The following RNF146 variants were observed in gnomAD, a reference collection of about 807,000 sequenced individuals.
The protein encoded by RNF146 is E3 ubiquitin-protein ligase RNF146.
In RNF146, 11 loss-of-function variants were observed where a neutral mutation model predicts 29.7. That is an observed-to-expected ratio of 0.37 (90% CI 0.23 to 0.61). The LOEUF is 0.61. Among genes scored for constraint, RNF146 ranks in the 20% least tolerant of loss-of-function variants. RNF146 has a pLI of 0.66. For missense variants in RNF146, 342 were observed against 438.9 expected, an observed-to-expected ratio of 0.78 and a Z score of 1.97; for synonymous variants, 150 against 159.7, an observed-to-expected ratio of 0.94 and a Z score of 0.46.
intron 2 of RNF146, chr6:127,285,280 A>C: frequency 1.0e-6 from 1 of 985,098 alleles, no homozygotes; most frequent in African/African-American, 1.7e-5. Context: ...AAGAAAAAAA[A>C]GGATTGTTTG....
intron 2 of RNF146, chr6:127,280,657 C>T (rs1778800869): frequency 2.7e-6 from 2 of 733,388 alleles, no homozygotes; most frequent in Non-Finnish European, 3.4e-6. Flanking sequence ...AATAACTAAG[C>T]TAGGCAAGTA....
chr6:127,285,517 C>CT (rs1303674699), intron 2 of RNF146, among the ~76,000 whole-genome samples: 1 of 135,406 alleles, frequency 7.4e-6, no homozygotes, highest in African/African-American at 2.8e-5. Context: ...ATTTTCTCCC[C>CT]TTTTAAAATG....
At chr6:127,269,950 A>C (rs1562277667) in intron 1 of RNF146, among the ~76,000 whole-genome samples, 1 of 152,188 alleles carries the variant, frequency 6.6e-6, no homozygotes, top group African/African-American at 2.4e-5. Context: ...AATTAGAAAA[A>C]TACAGTAAGT....
chr6:127,271,141 C>CT (rs1005798169), intron 1 of RNF146, among the ~76,000 whole-genome samples: 1 of 152,000 alleles, frequency 6.6e-6, no homozygotes, highest in Admixed American at 6.5e-5. Context: ...ATAATGTTTT[C>CT]TTTTTTTTAG....
upstream of RNF146, chr6:127,266,755 A>T (rs1229586217): frequency 6.6e-6 from 1 of 152,010 alleles, no homozygotes; most frequent in African/African-American, 2.4e-5. Context: ...GGGCAGAACG[A>T]TGAGGCGCCG....
upstream of RNF146, chr6:127,266,740 G>A (rs1776644499): frequency 6.6e-6 from 1 of 152,194 alleles, no homozygotes; most frequent in Non-Finnish European, 1.5e-5. Flanking sequence ...AGCGGCGCGA[G>A]ACAGGGGCAG....
intron 2 of RNF146, among the ~76,000 whole-genome samples, chr6:127,282,109 C>T (rs1778987340): frequency 6.6e-6 from 1 of 151,696 alleles, no homozygotes; most frequent in Admixed American, 6.6e-5. Flanking sequence ...GGGTTCACAA[C>T]TTTTGCACCA....
chr6:127,284,740 A>C (rs1187915427), intron 2 of RNF146, among the ~76,000 whole-genome samples: 1 of 151,966 alleles, frequency 6.6e-6, no homozygotes, highest in Non-Finnish European at 1.5e-5. Context: ...AAGCTTTTAT[A>C]GTGCTTAACA....
chr6:127,281,538 AAC>A (rs907291097), intron 2 of RNF146, among the ~76,000 whole-genome samples: 8 of 151,744 alleles, frequency 5.3e-5, no homozygotes, highest in Admixed American at 4.0e-4. Flanking sequence ...GTAGAATTTT[AAC>A]AGTCAAAGAA....
In RNF146 at chr6:127,270,046, G is replaced by T. The variant is rs531909690; in HGVS notation, c.-109+3121G>T. 5.3e-5 allele frequency among the ~76,000 whole-genome samples: 8 copies of T among 152,058 alleles called. No individual in the cohort carries two copies. The East Asian group carries it at 1.5e-3, about 29-fold the overall frequency. On this transcript the variant is annotated intron_variant, in intron 1 of 2. Coordinates refer to ENST00000368314, the MANE Select transcript of RNF146 (RefSeq NM_001242850.2). The stretch of plus-strand genomic sequence containing the variant: ...ATGCTCATCTTTTTCTTTGATTAAA[G>T]ATAATCGCTTGCTTGAATCTATTAC...
At chr6:127,267,657 C>T (rs1160381378) in intron 1 of RNF146, among the ~76,000 whole-genome samples, 1 of 152,148 alleles carries the variant, frequency 6.6e-6, no homozygotes, top group Non-Finnish European at 1.5e-5. Context: ...AATCCCTGCA[C>T]CTTGTCCTAG....
intron 1 of RNF146, among the ~76,000 whole-genome samples, chr6:127,278,577 A>G (rs1778541341): frequency 6.6e-6 from 1 of 151,998 alleles, no homozygotes; most frequent in Admixed American, 6.6e-5. Context: ...TTATCCATTC[A>G]TCTGTTGGTA....
At chr6:127,278,742 G>C (rs566055307) in intron 1 of RNF146, among the ~76,000 whole-genome samples, 1 of 152,076 alleles carries the variant, frequency 6.6e-6, no homozygotes, top group South Asian at 2.1e-4. Flanking sequence ...ATTCACAGCA[G>C]CTACACCCTT....
chr6:127,278,551 A>G (rs1453082187), intron 1 of RNF146, among the ~76,000 whole-genome samples: 1 of 152,024 alleles, frequency 6.6e-6, no homozygotes, highest in Non-Finnish European at 1.5e-5. Context: ...TGTTGTATTT[A>G]TAGACCACAT....
chr6:127,287,977 C>A lies in RNF146; in HGVS notation c.*284C>A. 1 of 248,286 alleles carries A rather than the reference C, an allele frequency of 4.0e-6. No individual in the cohort carries two copies. Among genetic ancestry groups the A allele is most frequent in the African/African-American group, 2.3e-5 (1 of 43,992 alleles). The allele number at this position is 248,286 out of a possible 1,614,324, so 15.4% of individuals were successfully genotyped here. A position where few individuals can be genotyped will look rare whatever the true frequency, so the allele number is the denominator to read the frequency against. ...TAAAAACTTCTGTAGTTCTTTTGGC[C>A]AGTGTGTTTGTATTATCTGTGCATT... On this transcript the variant is annotated 3_prime_UTR_variant, in exon 3 of 3. Coordinates refer to ENST00000368314, the MANE Select transcript of RNF146 (RefSeq NM_001242850.2).
rs1779735334 is a variant in RNF146, at chr6:127,287,849, C to T, written c.*156C>T. 3.6e-6 allele frequency: 2 copies of T among 558,796 alleles called. No individual in the cohort carries two copies. Among genetic ancestry groups the T allele is most frequent in the Non-Finnish European group, 6.5e-6 (2 of 307,280 alleles). 34.6% of individuals were successfully genotyped at this position (558,796 alleles called of 1,614,324 possible). A position where few individuals can be genotyped will look rare whatever the true frequency, so the allele number is the denominator to read the frequency against. On this transcript the variant is annotated 3_prime_UTR_variant, in exon 3 of 3. Transcript: ENST00000368314. ...CTCATAATTAAAATGTCTAACATGT[C>T]TCTGTTGAGAAATTTATTTAATGTA...
intron 1 of RNF146, among the ~76,000 whole-genome samples, chr6:127,274,382 A>C (rs1022901699): frequency 2.6e-5 from 4 of 152,176 alleles, no homozygotes; most frequent in East Asian, 1.9e-4. Flanking sequence ...TTAAGAATCA[A>C]CTTTTGTTTC....
intron 2 of RNF146, chr6:127,285,384 C>G: frequency 1.0e-6 from 1 of 974,888 alleles, no homozygotes; most frequent in Non-Finnish European, 1.2e-6. Flanking sequence ...TTTGTAACTA[C>G]TGACCCATTT....
intron 1 of RNF146, among the ~76,000 whole-genome samples, chr6:127,268,826 CTAACT>C (rs1392433886): frequency 1.3e-5 from 2 of 151,968 alleles, no homozygotes. Context: ...CTCCACCAAC[CTAACT>C]TGTCAGAGGA....
Sources: gnomAD v4.1 joint callset for allele counts (sites outside exome capture counted in the v4.1 genomes callset) on GRCh38, gnomAD v4.1.1 for gene constraint, MANE v1.5 for transcripts, NCBI Gene and HGNC (gene_info 2026-07-23, HGNC 2026-07-21) for gene names.